Variants in TEKT1 observed in about 807,000 individuals in gnomAD.
TEKT1 encodes tektin-1.
TEKT1 carries 32 observed loss-of-function variants against 34.8 expected under a neutral mutation model. That is an observed-to-expected ratio of 0.92 (90% confidence interval 0.69 to 1.23). TEKT1 has a LOEUF of 1.23. Among genes scored for constraint, TEKT1 ranks in the 50% most tolerant of loss-of-function variants. The pLI is 0.00. For synonymous variants in TEKT1, 207 were observed against 199.8 expected (o/e 1.04, Z -0.30); for missense variants, 492 against 518.5 (o/e 0.95, Z 0.50).
rs773085018 is a variant in TEKT1 at position 6,819,183 on chromosome 17, T to A, written c.356+10A>T. The A allele has an allele frequency of 6.2e-7, 1 of 1,608,680 alleles. No homozygotes were observed. Among genetic ancestry groups the A allele is most frequent in the Admixed American group, 1.7e-5 (1 of 58,780 alleles). On this transcript the variant is annotated intron_variant, in intron 3 of 7. Transcript: ENST00000338694. ...AACACATGAATCATTTGAGGGACCTTCGCTCCTACCTGTATGCCAGGCATG... is the reference window on the plus strand; with the variant it reads ...AACACATGAATCATTTGAGGGACCTACGCTCCTACCTGTATGCCAGGCATG...
At chr17:6,817,171 T>C (rs1041923179) in intron 3 of TEKT1, among the ~76,000 whole-genome samples, 3 of 151,680 alleles carry the variant, frequency 2.0e-5, no homozygotes, top group Non-Finnish European at 4.4e-5. Flanking sequence ...AGGTCGGGAG[T>C]TGGAGACCAG....
intron 2 of TEKT1, among the ~76,000 whole-genome samples, chr17:6,826,957 A>C (rs909129102): frequency 5.3e-5 from 8 of 152,162 alleles, no homozygotes; most frequent in African/African-American, 1.9e-4. Context: ...GGCCTCCCAA[A>C]GTGCTGTGAT....
intron 2 of TEKT1, among the ~76,000 whole-genome samples, chr17:6,823,585 G>T (rs1424349100): frequency 6.6e-6 from 1 of 152,128 alleles, no homozygotes; most frequent in Non-Finnish European, 1.5e-5. Context: ...GAAGACAAAT[G>T]CATGTGCTTA....
At chr17:6,800,269 C>A (rs1221041545) in intron 7 of TEKT1, 35 bp from the exon 8 acceptor site, 1 of 1,592,576 alleles carries the variant, frequency 6.3e-7, no homozygotes, top group Admixed American at 1.7e-5. Flanking sequence ...AGAATAATTT[C>A]TCTCTATGCA....
intron 6 of TEKT1, among the ~76,000 whole-genome samples, chr17:6,802,161 T>C (rs867325241): frequency 3.7e-4 from 57 of 152,204 alleles, no homozygotes; most frequent in Non-Finnish European, 5.7e-4. Context: ...TATATTTTGG[T>C]AGAGTTGGTT....
At chr17:6,824,006 T>C (rs1331673474) in intron 2 of TEKT1, among the ~76,000 whole-genome samples, 1 of 151,984 alleles carries the variant, frequency 6.6e-6, no homozygotes, top group East Asian at 1.9e-4. Context: ...GTATTTTTAG[T>C]AGAGACGAGG....
At chr17:6,813,191 C>G in intron 5 of TEKT1, 138 bp from the exon 6 acceptor site, 3 of 718,868 alleles carry the variant, frequency 4.2e-6, no homozygotes, top group Non-Finnish European at 6.8e-6. Flanking sequence ...AAATAGTGGT[C>G]TGTCAGTATC....
intron 6 of TEKT1, among the ~76,000 whole-genome samples, chr17:6,803,290 A>C (rs560193924): frequency 1.3e-5 from 2 of 152,210 alleles, no homozygotes; most frequent in East Asian, 3.9e-4. Context: ...TCCTTTGCCC[A>C]CTTTTTAATG....
intron 3 of TEKT1, 109 bp downstream of exon 3, chr17:6,819,084 A>T: frequency 7.4e-7 from 1 of 1,356,078 alleles, no homozygotes; most frequent in Non-Finnish European, 1.0e-6. Flanking sequence ...CTAAAAGAAC[A>T]CCTGCTCAAG....
At position 6,799,874 on chromosome 17, in the gene TEKT1, G is replaced by T; in HGVS notation, c.*153C>A. ...CACACCAGCATAAGAGAAGAAACTC[G>T]CCCCAAAATCAGCCCCCTGAGCAGG... On this transcript the variant is annotated 3_prime_UTR_variant, in exon 8 of 8. Coordinates refer to ENST00000338694, the MANE Select transcript of TEKT1 (RefSeq NM_053285.2). 1.6e-6 allele frequency: 1 copy of T among 628,404 alleles called. No individual in the cohort carries two copies. Among genetic ancestry groups the T allele is most frequent in the East Asian group, 2.9e-5 (1 of 35,084 alleles). 38.9% of individuals were successfully genotyped at this position (628,404 alleles called of 1,614,324 possible). A position where few individuals can be genotyped will look rare whatever the true frequency, so the allele number is the denominator to read the frequency against.
chr17:6,823,125 T>C (rs546122023), intron 2 of TEKT1, among the ~76,000 whole-genome samples: 79 of 152,306 alleles, frequency 5.2e-4, no homozygotes, highest in African/African-American at 1.8e-3. Context: ...TAGACATTCA[T>C]TGAACCTTTT....
intron 6 of TEKT1, among the ~76,000 whole-genome samples, chr17:6,806,292 C>CA (rs1976842867): frequency 6.6e-6 from 1 of 152,048 alleles, no homozygotes; most frequent in Non-Finnish European, 1.5e-5. Flanking sequence ...ATTGCAACCC[C>CA]TGCCTTTTTT....
chr17:6,810,159 G>T (rs1275709706), intron 6 of TEKT1, among the ~76,000 whole-genome samples: 1 of 152,222 alleles, frequency 6.6e-6, no homozygotes, highest in Non-Finnish European at 1.5e-5. Flanking sequence ...GGGGGTGTCA[G>T]TGCTTTGGAT....
At chr17:6,823,967 T>C (rs9907644) in intron 2 of TEKT1, among the ~76,000 whole-genome samples, 9,270 of 151,758 alleles carry the variant, frequency 0.061, 793 homozygotes, top group African/African-American at 0.19. Flanking sequence ...GGACTACAGG[T>C]GCCCACCACC....
intron 6 of TEKT1, among the ~76,000 whole-genome samples, chr17:6,806,476 T>C (rs894270867): frequency 6.6e-6 from 1 of 152,220 alleles, no homozygotes; most frequent in Non-Finnish European, 1.5e-5. Context: ...CATTTAAGGT[T>C]AATATTGTTA....
At position 6,827,177 on chromosome 17, in the gene TEKT1, A is replaced by G. The variant is rs117013303; in HGVS notation, c.190+3010T>C. Among the ~76,000 whole-genome samples, 1,106 of 151,840 alleles carry G rather than the reference A, an allele frequency of 7.3e-3. 9 individuals carry two copies. The highest frequency in any genetic ancestry group is 0.012 in the Non-Finnish European group (812 of 67,978). The stretch of plus-strand genomic sequence containing the variant: ...TCCTCACTTATACTTTGCTGTCTCA[A>G]TTACCATAGCTTTGTCACAGCTCTC... On this transcript the variant is annotated intron_variant, in intron 2 of 7. Coordinates refer to ENST00000338694, the MANE Select transcript of TEKT1 (RefSeq NM_053285.2).
chr17:6,827,364 C>T (rs917821747), intron 2 of TEKT1, among the ~76,000 whole-genome samples: 19 of 150,658 alleles, frequency 1.3e-4, no homozygotes, highest in Admixed American at 3.3e-4. Context: ...CGGGTTCAAG[C>T]GATTCTCCTA....
rs561555039 is a variant in TEKT1, at chr17:6,819,198, T to G, written c.351A>C (p.Ala117=). The change falls in exon 3 of 8, where the codon GCA becomes GCC. Residue 117 remains alanine (A), a synonymous_variant. Coordinates refer to ENST00000338694, the MANE Select transcript of TEKT1 (RefSeq NM_053285.2). ...TGAGGGACCTTCGCTCCTACCTGTA[T>G]GCCAGGCATGTCTCAGTGATGTGCA... ...EPLHITETCL[A]YREKRIGIDL... 13 of 1,612,118 alleles carry G rather than the reference T, an allele frequency of 8.1e-6. No individual in the cohort carries two copies. Among genetic ancestry groups the G allele is most frequent in the Admixed American group, 1.7e-5 (1 of 59,604 alleles).
At chr17:6,809,757 A>G (rs1016913032) in intron 6 of TEKT1, among the ~76,000 whole-genome samples, 5 of 152,228 alleles carry the variant, frequency 3.3e-5, no homozygotes, top group African/African-American at 1.2e-4. Flanking sequence ...ATACAGTATG[A>G]GTTTCAAATC....
Sources: allele counts gnomAD v4.1 joint callset (sites outside exome capture counted in the v4.1 genomes callset), GRCh38; gene constraint gnomAD v4.1.1; transcripts MANE v1.5; gene names NCBI Gene and HGNC (gene_info 2026-07-23, HGNC 2026-07-21).